Variants in SVEP1 observed in about 807,000 individuals in gnomAD.
SVEP1 encodes sushi, von Willebrand factor type A, EGF and pentraxin domain-containing protein 1.
SVEP1 carries 164 observed loss-of-function variants against 367.3 expected under a neutral mutation model. The ratio of observed to expected loss-of-function variants is 0.45; its 90% confidence interval spans 0.39 to 0.51. SVEP1 has a LOEUF of 0.51. Ranked by LOEUF, SVEP1 falls within the 20% of genes least tolerant of loss-of-function variation. The pLI is 0.00. For missense variants in SVEP1, 4,117 were observed against 4,425.3 expected (o/e 0.93, Z 1.98); for synonymous variants, 1,666 against 1,611.6 (o/e 1.03, Z -0.81).
intron 33 of SVEP1, 103 bp from the exon 34 acceptor site, chr9:110,430,107 C>CTTTT (rs11331398): frequency 1.7e-5 from 16 of 964,934 alleles, no homozygotes; most frequent in Non-Finnish European, 1.9e-5. Context: ...TGTTTGTTTT[C>CTTTT]TTTTTTTTTT....
intron 3 of SVEP1, among the ~76,000 whole-genome samples, chr9:110,519,737 C>G (rs1055126535): frequency 6.6e-6 from 1 of 152,040 alleles, no homozygotes; most frequent in African/African-American, 2.4e-5. Context: ...GTTTGGTGTG[C>G]AAGGAGAGTA....
At chr9:110,426,694 A>G (rs970107271) in intron 36 of SVEP1, among the ~76,000 whole-genome samples, 3 of 152,122 alleles carry the variant, frequency 2.0e-5, no homozygotes, top group Non-Finnish European at 4.4e-5. Flanking sequence ...AGATTTAGCC[A>G]CCCCTCCATA....
At chr9:110,437,203 G>C (rs757306319) in intron 27 of SVEP1, among the ~76,000 whole-genome samples, 2 of 152,094 alleles carry the variant, frequency 1.3e-5, no homozygotes, top group Non-Finnish European at 2.9e-5. Context: ...AAAGGGATGA[G>C]AGAGAACTTG....
intron 1 of SVEP1, among the ~76,000 whole-genome samples, chr9:110,573,731 A>G (rs1181132734): frequency 1.3e-5 from 2 of 152,186 alleles, no homozygotes; most frequent in African/African-American, 4.8e-5. Flanking sequence ...TCACTTTAGG[A>G]AAGGTAACTT....
rs1337233594 is a variant in SVEP1, at chr9:110,471,428, T to C, written c.2934A>G (p.Ser978=). The part of the protein sequence containing the change: ...ASEILIADSN[S]LETKKASPFC... ...AGGGGGAAGCCTTTTTTGTTTCTAA[T>C]GAATTGCTGTCGGCTATAAGTATTT... The change falls in exon 16 of 48, where the codon TCA becomes TCG. Residue 978 remains serine (S), a synonymous_variant. Coordinates refer to ENST00000374469, the MANE Select transcript of SVEP1 (RefSeq NM_153366.4). The C allele has an allele frequency of 3.1e-6, 5 of 1,613,894 alleles. No individual in the cohort carries two copies. Among genetic ancestry groups the C allele is most frequent in the Non-Finnish European group, 4.2e-6 (5 of 1,179,896 alleles).
intron 3 of SVEP1, among the ~76,000 whole-genome samples, chr9:110,528,156 G>GTGTGTGTGTGTATATATATATATA: frequency 1.2e-3 from 42 of 33,938 alleles, no homozygotes; most frequent in Non-Finnish European, 1.4e-3. Flanking sequence ...GTGTGTGTGT[G>GTGTGTGTGTGTATATATATATATA]TATATATATA....
At chr9:110,462,483 A>G (rs1017588890) in intron 18 of SVEP1, among the ~76,000 whole-genome samples, 3 of 151,118 alleles carry the variant, frequency 2.0e-5, no homozygotes, top group Admixed American at 6.6e-5. Context: ...ATACACACAC[A>G]CGCATATATA....
chr9:110,393,025 T>C (rs1232615438), intron 40 of SVEP1, among the ~76,000 whole-genome samples: 1 of 152,222 alleles, frequency 6.6e-6, no homozygotes, highest in Non-Finnish European at 1.5e-5. Context: ...CAAGTGATTC[T>C]AACATGTATA....
At chr9:110,425,463 CT>C (rs1828238806) in intron 36 of SVEP1, among the ~76,000 whole-genome samples, 1 of 152,170 alleles carries the variant, frequency 6.6e-6, no homozygotes, top group Non-Finnish European at 1.5e-5. Context: ...AGACTATGAT[CT>C]TGCATAGAAC....
At chr9:110,465,758 C>T in intron 18 of SVEP1, 107 bp downstream of exon 18, 1 of 1,313,360 alleles carries the variant, frequency 7.6e-7, no homozygotes, top group Non-Finnish European at 1.0e-6. Context: ...CAGTTATTTC[C>T]ATTCTGTGCA....
chr9:110,440,492 A>G (rs1357311573), intron 27 of SVEP1, among the ~76,000 whole-genome samples: 1 of 152,210 alleles, frequency 6.6e-6, no homozygotes, highest in Non-Finnish European at 1.5e-5. Context: ...CAGATGAAAA[A>G]ACATTTCTTC....
In SVEP1 at chr9:110,406,723, G is replaced by A. The variant is rs1434004745; in HGVS notation, c.8877C>T (p.Phe2959=). 5.0e-6 allele frequency: 8 copies of A among 1,613,910 alleles called. No homozygotes were observed. Among genetic ancestry groups the A allele is most frequent in the African/African-American group, 1.3e-5 (1 of 74,940 alleles). The change falls in exon 38 of 48, where the codon TTC becomes TTT. Residue 2959 remains phenylalanine (F), a synonymous_variant. Coordinates refer to ENST00000374469, the MANE Select transcript of SVEP1 (RefSeq NM_153366.4). ...CGPPEDLAHG[F]PNGFSFIHGG... ...CATGAATAAAGGAAAAACCATTAGG[G>A]AAACCATGGGCAAGATCTTCAGGAG...
intron 43 of SVEP1, among the ~76,000 whole-genome samples, chr9:110,383,508 GTGTCTGGT>G (rs1827472768): frequency 6.6e-6 from 1 of 150,562 alleles, no homozygotes; most frequent in African/African-American, 2.5e-5. Context: ...CTTGTATAAG[GTGTCTGGT>G]GACCCCTGTT....
In SVEP1 at chr9:110,400,927, C is replaced by A. The variant is rs1468767661; in HGVS notation, c.9749G>T (p.Gly3250Val). Residue 3250 changes from glycine (G) to valine (V), a missense_variant, in exon 40 of 48, where the codon GGA (glycine) becomes GTA (valine). Physicochemically the swap from Gly to Val is moderately radical, Grantham distance 109 (BLOSUM62 -3). This residue lies in a region of SVEP1 where 1,765 missense variants were observed against 1,781.1 expected (regional missense o/e 0.99). Transcript: ENST00000374469. ...SCGKPESPEHGFVVGSKYTFE... is the reference protein window; with the variant it reads ...SCGKPESPEHVFVVGSKYTFE... Reference sequence around the variant, plus strand: ...GGTGTATTTACTGCCAACCACAAATCCATGTTCTGGACTTTCAGGTTTCCC... The same window carrying A: ...GGTGTATTTACTGCCAACCACAAATACATGTTCTGGACTTTCAGGTTTCCC... 1.9e-6 allele frequency: 3 copies of A among 1,613,908 alleles called. No homozygotes were observed. The highest frequency in any genetic ancestry group is 1.7e-5 in the Admixed American group (1 of 60,002).
At chr9:110,476,378 C>T in intron 13 of SVEP1, 63 bp from the exon 14 acceptor site, 2 of 1,257,134 alleles carry the variant, frequency 1.6e-6, no homozygotes, top group Non-Finnish European at 2.3e-6. Flanking sequence ...TGGATAAACA[C>T]TTTGCTCCCC....
In SVEP1 at chr9:110,366,248, T is replaced by C. The variant is rs1260330518; in HGVS notation, c.*291A>G. On this transcript the variant is annotated 3_prime_UTR_variant, in exon 48 of 48. Transcript: ENST00000374469. ...CTGAATAAAAATGTGTACCAGGAAC[T>C]TTCCCAATAGACAGCAGAATATGTA... 3.1e-6 allele frequency: 1 copy of C among 323,398 alleles called. No homozygotes were observed. 20.0% of individuals were successfully genotyped at this position (323,398 alleles called of 1,614,324 possible). A position where few individuals can be genotyped will look rare whatever the true frequency, so the allele number is the denominator to read the frequency against.
intron 1 of SVEP1, among the ~76,000 whole-genome samples, chr9:110,559,308 T>G (rs1048216178): frequency 6.6e-6 from 1 of 152,056 alleles, no homozygotes; most frequent in African/African-American, 2.4e-5. Flanking sequence ...ATATGTATTA[T>G]GCTTATCAAA....
intron 5 of SVEP1, among the ~76,000 whole-genome samples, chr9:110,504,216 G>A (rs7042301): frequency 0.075 from 9,049 of 121,252 alleles, 384 homozygotes; most frequent in Non-Finnish European, 0.1. Context: ...TACCACGCCC[G>A]GCTATTTTTT....
chr9:110,410,752 T>C (rs1173838461), intron 37 of SVEP1, among the ~76,000 whole-genome samples: 1 of 152,218 alleles, frequency 6.6e-6, no homozygotes, highest in African/African-American at 2.4e-5. Flanking sequence ...TTGCCCCGCT[T>C]CTGAATAGTG....
Sources: allele counts gnomAD v4.1 joint callset (sites outside exome capture counted in the v4.1 genomes callset), GRCh38; gene constraint gnomAD v4.1.1; regional missense constraint gnomAD v4.1.1; transcripts MANE v1.5; gene names NCBI Gene and HGNC (gene_info 2026-07-23, HGNC 2026-07-21).